LTBP2: variants seen among roughly 807,000 people sequenced by gnomAD.
LTBP2 encodes latent transforming growth factor beta binding protein 2, also known as latent-transforming growth factor beta-binding protein 2.
LTBP2 carries 103 observed loss-of-function variants against 210.6 expected under a neutral mutation model. The ratio of observed to expected loss-of-function variants is 0.49; its 90% CI spans 0.42 to 0.58. The LOEUF (loss-of-function observed/expected upper bound fraction) is 0.58, where lower values mean the gene tolerates loss of function less well. Ranked by LOEUF, LTBP2 falls within the 20% of genes least tolerant of loss-of-function variation. The pLI, the probability that LTBP2 is intolerant of heterozygous loss-of-function variation, is 0.00. For synonymous variants in LTBP2, 1,007 were observed against 1,015.0 expected, an observed-to-expected ratio of 0.99 and a Z score of 0.15; for missense variants, 2,313 against 2,494.5, an observed-to-expected ratio of 0.93 and a Z score of 1.55.
At position 74,552,291 on chromosome 14, in the gene LTBP2, G is replaced by A. The variant is rs137854861; in HGVS notation, c.1295C>T (p.Pro432Leu). ...STGKFCHLPI[P>L]QPDREPPGRG... ...CCCTGGAGGCTCCCTGTCCGGCTGC[G>A]GGATAGGCAGGTGGCAGAACTTCCC... The change falls in exon 6 of 36, where the codon CCG (proline) becomes CTG (leucine). Residue 432 changes from proline (P) to leucine (L), a missense_variant. By Grantham distance (98) the Pro-to-Leu change is moderately conservative (BLOSUM62 -3). Coordinates refer to ENST00000261978, the MANE Select transcript of LTBP2 (RefSeq NM_000428.3). 1,588 of 1,613,268 alleles carry A rather than the reference G, an allele frequency of 9.8e-4. 8 individuals are homozygous for A. Among genetic ancestry groups the A allele is most frequent in the South Asian group, 7.8e-3 (708 of 91,080 alleles).
intron 2 of LTBP2, among the ~76,000 whole-genome samples, chr14:74,592,091 C>T (rs1261849580): frequency 6.6e-6 from 1 of 152,130 alleles, no homozygotes; most frequent in Non-Finnish European, 1.5e-5. Context: ...GAGGGGCAAT[C>T]GTGGTTGTGT....
chr14:74,509,948 G>T lies in LTBP2; in HGVS notation c.3152-89C>A, dbSNP rs1045232805. ...GTAGGCAGGGGTGGGGGAAGGACAG[G>T]TCTGGGCAGGGATGTGTTGGGTCAG... On this transcript the variant is annotated intron_variant, in intron 20 of 35. Transcript: ENST00000261978. The T allele has an allele frequency of 3.7e-6, 6 of 1,610,490 alleles. No homozygotes were observed. The African/African-American group carries it at 5.3e-5, about 14-fold the overall frequency.
At chr14:74,501,616 A>T (rs2086912311) in intron 34 of LTBP2, 26 bp from the exon 35 acceptor site, 1 of 1,613,282 alleles carries the variant, frequency 6.2e-7, no homozygotes, top group African/African-American at 1.3e-5. Flanking sequence ...CGGAGAGAGG[A>T]GGAGGCTGAG....
In LTBP2 at chr14:74,603,613, T is replaced by C. The variant is rs558044569; in HGVS notation, c.565+22A>G. 20 of 1,613,810 alleles carry C rather than the reference T, an allele frequency of 1.2e-5. 1 individual carries two copies. The South Asian group carries it at 2.0e-4, about 16-fold the overall frequency. ...TTCACGTTTGATAGAGCGGAGTGTC[T>C]GCTACTGGTGGAGGCACTCACGTTT... is the stretch of plus-strand genomic sequence containing the variant. On this transcript the variant is annotated intron_variant, in intron 2 of 35. Coordinates refer to ENST00000261978, the MANE Select transcript of LTBP2 (RefSeq NM_000428.3).
rs373819915 is a variant in LTBP2 at position 74,502,763 on chromosome 14, G to A, written c.5060C>T (p.Pro1687Leu). ...YNYLGPEDTVPEPAFPNTAGH... is the reference protein window; with the variant it reads ...YNYLGPEDTVLEPAFPNTAGH... Reference sequence around the variant, plus strand: ...GGCTGTGTTGGGGAAGGCAGGCTCAGGGACGGTGTCCTCGGGGCCCAGGTA... The same window carrying A: ...GGCTGTGTTGGGGAAGGCAGGCTCAAGGACGGTGTCCTCGGGGCCCAGGTA... Residue 1687 changes from proline to leucine, a missense_variant, in exon 34 of 36, where the codon CCT (proline) becomes CTT (leucine). Coordinates refer to ENST00000261978, the MANE Select transcript of LTBP2 (RefSeq NM_000428.3). 6.2e-6 allele frequency: 10 copies of A among 1,614,108 alleles called. No homozygotes were observed. Among genetic ancestry groups the A allele is most frequent in the Non-Finnish European group, 8.5e-6 (10 of 1,180,048 alleles).
chr14:74,578,527 A>G (rs1175381726), intron 3 of LTBP2, among the ~76,000 whole-genome samples: 1 of 151,954 alleles, frequency 6.6e-6, no homozygotes, highest in Non-Finnish European at 1.5e-5. Context: ...GCCACCAGGC[A>G]CCCTACTCAT....
chr14:74,527,811 A>C (rs1298981346), intron 12 of LTBP2, among the ~76,000 whole-genome samples: 1 of 152,176 alleles, frequency 6.6e-6, no homozygotes, highest in East Asian at 1.9e-4. Flanking sequence ...GAAGGAGTGG[A>C]ATTGCTCCTG....
intron 1 of LTBP2, among the ~76,000 whole-genome samples, chr14:74,608,717 AAAAAAAAAAAAG>A (rs2088563099): frequency 1.7e-5 from 2 of 116,832 alleles, no homozygotes; most frequent in South Asian, 5.1e-4. Flanking sequence ...AAAAAAAAGA[AAAAAAAAAAAAG>A]AAAAAAAGAA....
intron 6 of LTBP2, 23 bp from the exon 7 acceptor site, chr14:74,551,373 G>A (rs1480570445): frequency 6.5e-7 from 1 of 1,536,986 alleles, no homozygotes; most frequent in Non-Finnish European, 8.8e-7. Flanking sequence ...GCTAGAGTCA[G>A]AGCCAGGGAA....
At chr14:74,522,068 CA>C (rs766051231) in intron 16 of LTBP2, 29 bp from the exon 17 acceptor site, 3 of 1,602,850 alleles carry the variant, frequency 1.9e-6, no homozygotes, top group South Asian at 2.2e-5. Context: ...GGAGGGAGGT[CA>C]GGGGGGCCAG....
At position 74,612,073 on chromosome 14, in the gene LTBP2, GA is replaced by G; in HGVS notation, c.-130del. 9.6e-7 allele frequency: 1 copy of G among 1,045,048 alleles called. No individual in the cohort carries two copies. The highest frequency in any genetic ancestry group is 2.0e-5 in the South Asian group (1 of 50,574). The allele number at this position is 1,045,048 out of a possible 1,614,324, so 64.7% of individuals were successfully genotyped here. On this transcript the variant is annotated 5_prime_UTR_variant, in exon 1 of 36. Coordinates refer to ENST00000261978, the MANE Select transcript of LTBP2 (RefSeq NM_000428.3). ...AGCTTCTCTGAGTCTAGGGGGCCCT[GA>G]AGCGGCCGACTGGGGGCCCGGCTCT...
intron 3 of LTBP2, among the ~76,000 whole-genome samples, chr14:74,577,720 T>C (rs1430663630): frequency 6.6e-6 from 1 of 151,828 alleles, no homozygotes; most frequent in Non-Finnish European, 1.5e-5. Flanking sequence ...TTGATCAGGC[T>C]GGTCTTGCAC....
chr14:74,540,845 A>AT (rs2087491951), intron 8 of LTBP2, among the ~76,000 whole-genome samples: 2 of 31,474 alleles, frequency 6.4e-5, no homozygotes, highest in Non-Finnish European at 1.0e-4. Flanking sequence ...ATATTTATAT[A>AT]TATTATATAT....
chr14:74,548,174 A>G (rs1404075307), intron 8 of LTBP2, among the ~76,000 whole-genome samples: 1 of 151,032 alleles, frequency 6.6e-6, no homozygotes, highest in East Asian at 1.9e-4. Context: ...CAAAAGCACC[A>G]TCTCTAAGGG....
chr14:74,517,719 A>G (rs1302003314), intron 17 of LTBP2, among the ~76,000 whole-genome samples: 1 of 152,196 alleles, frequency 6.6e-6, no homozygotes, highest in East Asian at 1.9e-4. Context: ...GGAACCAAGC[A>G]GCCAGTGAGG....
chr14:74,522,755 G>T (rs948102279), intron 16 of LTBP2, 35 bp downstream of exon 16: 3 of 1,596,194 alleles, frequency 1.9e-6, no homozygotes, highest in Non-Finnish European at 2.6e-6. Context: ...ATCTACCCCA[G>T]CCGCCAAGTA....
chr14:74,506,183 C>T lies in LTBP2; in HGVS notation c.4042G>A (p.Glu1348Lys), dbSNP rs957308620. 17 of 1,613,994 alleles carry T rather than the reference C, an allele frequency of 1.1e-5. No homozygotes were observed. The highest frequency in any genetic ancestry group is 1.3e-5 in the African/African-American group (1 of 74,880). ...PSGWDCVDVN[E>K]CELMLAVCGA... ...CATACCGCCAGCATAAGCTCACACT[C>T]GTTCACATCTGCCAGGTGTGAGAAC... is the stretch of plus-strand genomic sequence containing the variant. The change falls in exon 28 of 36, where the codon GAG becomes AAG. Residue 1348 changes from glutamate to lysine, a missense_variant. This residue lies in a region of LTBP2 where 1,867 missense variants were observed against 1,976.9 expected (regional missense o/e 0.94). Transcript: ENST00000261978.
intron 12 of LTBP2, 142 bp downstream of exon 12, chr14:74,528,341 G>T: frequency 1.1e-6 from 1 of 940,298 alleles, no homozygotes. Flanking sequence ...GCCAGGGTTG[G>T]GTGCTGCTGC....
At chr14:74,526,379 A>G (rs1430898791) in intron 13 of LTBP2, among the ~76,000 whole-genome samples, 1 of 152,260 alleles carries the variant, frequency 6.6e-6, no homozygotes, top group East Asian at 1.9e-4. Flanking sequence ...ATGCCAGCTC[A>G]GTGTTGGGTC....
Sources: allele counts gnomAD v4.1 joint callset (sites outside exome capture counted in the v4.1 genomes callset), GRCh38; gene constraint gnomAD v4.1.1; regional missense constraint gnomAD v4.1.1; transcripts MANE v1.5; gene names NCBI Gene and HGNC (gene_info 2026-07-23, HGNC 2026-07-21).